Variants in PTCHD4 observed in about 807,000 individuals in gnomAD.
PTCHD4 encodes patched domain containing 4.
In PTCHD4, 33 loss-of-function variants were observed where a neutral mutation model predicts 58.1. That is an observed-to-expected ratio of 0.57 (90% CI 0.43 to 0.76). The LOEUF is 0.76. Ranked by LOEUF, PTCHD4 falls within the 30% of genes least tolerant of loss-of-function variation. The probability of loss-of-function intolerance (pLI) is 0.00; values close to 1 mark genes in which losing one functional copy is unlikely to be tolerated. For synonymous variants in PTCHD4, 478 were observed against 409.6 expected, an observed-to-expected ratio of 1.17 and a Z score of -2.02; for missense variants, 1,058 against 1,027.1, an observed-to-expected ratio of 1.03 and a Z score of -0.41.
chr6:47,986,517 A>C (rs796747823), intron 4 of PTCHD4, among the ~76,000 whole-genome samples: 5 of 152,260 alleles, frequency 3.3e-5, no homozygotes, highest in African/African-American at 1.2e-4. Context: ...TGTCAGGACA[A>C]TATGTTGGTA....
intron 1 of PTCHD4, among the ~76,000 whole-genome samples, chr6:48,101,406 T>C (rs925699888): frequency 1.3e-5 from 2 of 152,178 alleles, no homozygotes; most frequent in Non-Finnish European, 2.9e-5. Context: ...CAGTGAACTA[T>C]ATAAGGACTA....
intron 4 of PTCHD4, among the ~76,000 whole-genome samples, chr6:47,893,903 G>T (rs1764453430): frequency 6.6e-6 from 1 of 152,166 alleles, no homozygotes; most frequent in African/African-American, 2.4e-5. Context: ...TTAGTTAATT[G>T]GATTAAACTA....
rs2113881558 is a variant in PTCHD4, at chr6:48,069,048, A to C, written c.-91T>G. ...GGTGGTTCCGTGTGGAGCGTCCCACAGATGTGGATTTCCTCTCTGTCTTGG... is the reference window on the plus strand; with the variant it reads ...GGTGGTTCCGTGTGGAGCGTCCCACCGATGTGGATTTCCTCTCTGTCTTGG... On this transcript the variant is annotated 5_prime_UTR_variant, in exon 2 of 5. Transcript: ENST00000339488. Among the ~76,000 whole-genome samples, 1 of 140,604 alleles carries C rather than the reference A, an allele frequency of 7.1e-6. No individual in the cohort carries two copies. The highest frequency in any genetic ancestry group is 2.5e-4 in the South Asian group (1 of 4,024). The allele number at this position is 140,604 out of a possible 152,430, so 92.2% of individuals were successfully genotyped here.
At chr6:47,913,327 A>T (rs186682263) in intron 4 of PTCHD4, among the ~76,000 whole-genome samples, 1 of 152,232 alleles carries the variant, frequency 6.6e-6, no homozygotes, top group African/African-American at 2.4e-5. Context: ...ACACCAAGAA[A>T]AAGTCATATT....
rs1270310088 is a variant in PTCHD4 at position 47,875,687 on chromosome 6, T to C, written c.*2616A>G. Among the ~76,000 whole-genome samples, 1 of 151,820 alleles carries C rather than the reference T, an allele frequency of 6.6e-6. No homozygotes were observed. Among genetic ancestry groups the C allele is most frequent in the Non-Finnish European group, 1.5e-5 (1 of 67,894 alleles). ...GAAGACATAAACTAAAAAAGAACTG[T>C]TTTTCCCTATCTAAACAGAGACTAT... On this transcript the variant is annotated 3_prime_UTR_variant, in exon 5 of 5. Coordinates refer to ENST00000339488, the MANE Select transcript of PTCHD4 (RefSeq NM_001384253.1).
chr6:48,080,904 T>C lies in PTCHD4; in HGVS notation c.-969-10978A>G, dbSNP rs527423828. 2.0e-3 allele frequency among the ~76,000 whole-genome samples: 305 copies of C among 152,328 alleles called. 1 individual carries two copies. Among genetic ancestry groups the C allele is most frequent in the African/African-American group, 7.0e-3 (292 of 41,586 alleles). ...ATTAATGGATTGTCTGGGGCTTACC[T>C]TTCTTGTTTTTAGCATTGTATGTTT... is the stretch of plus-strand genomic sequence containing the variant. On this transcript the variant is annotated intron_variant, in intron 1 of 4. Transcript: ENST00000339488.
At chr6:48,102,379 T>A (rs868698218) in intron 1 of PTCHD4, among the ~76,000 whole-genome samples, 1 of 152,342 alleles carries the variant, frequency 6.6e-6, no homozygotes. Context: ...TACCCTGAGA[T>A]GTAATTTCTA....
intron 4 of PTCHD4, among the ~76,000 whole-genome samples, chr6:47,938,325 T>G (rs560139502): frequency 7.9e-5 from 12 of 152,324 alleles, no homozygotes; most frequent in Non-Finnish European, 1.8e-4. Context: ...CTTGTGATTC[T>G]GTATGTCTAA....
chr6:47,955,466 G>C (rs980021998), intron 4 of PTCHD4, among the ~76,000 whole-genome samples: 1 of 152,184 alleles, frequency 6.6e-6, no homozygotes, highest in African/African-American at 2.4e-5. Flanking sequence ...AAACAGCAAG[G>C]ACATTCATAA....
chr6:48,012,507 T>C (rs1299085243), intron 3 of PTCHD4, among the ~76,000 whole-genome samples: 1 of 152,214 alleles, frequency 6.6e-6, no homozygotes, highest in Middle Eastern at 3.2e-3. Context: ...TGTACAATAA[T>C]GCCATCTGCA....
intron 4 of PTCHD4, among the ~76,000 whole-genome samples, chr6:47,888,153 C>T (rs1764252753): frequency 1.3e-5 from 2 of 151,918 alleles, no homozygotes; most frequent in Non-Finnish European, 2.9e-5. Context: ...GTGAGGAGAT[C>T]GAGACCATCC....
At chr6:48,084,740 T>C (rs1373078114) in intron 1 of PTCHD4, among the ~76,000 whole-genome samples, 1 of 150,370 alleles carries the variant, frequency 6.7e-6, no homozygotes, top group Non-Finnish European at 1.5e-5. Flanking sequence ...TCTTTCTTTT[T>C]TTTTTTTTTT....
intron 4 of PTCHD4, among the ~76,000 whole-genome samples, chr6:47,978,951 C>T (rs1581965158): frequency 6.6e-6 from 1 of 151,754 alleles, no homozygotes; most frequent in Non-Finnish European, 1.5e-5. Flanking sequence ...TCTATTCATT[C>T]TTGTTATGAA....
chr6:47,866,339 T>G lies in PTCHD4; in HGVS notation c.*11964A>C, dbSNP rs963864769. Among the ~76,000 whole-genome samples the G allele has an allele frequency of 6.6e-6, 1 of 151,888 alleles. No homozygotes were observed. The highest frequency in any genetic ancestry group is 2.4e-5 in the African/African-American group (1 of 41,420). ...ACTGAGGTTGGGTCTCGCTATAGGATATATTGATTTAAGTAGTCTGGCATG... is the reference window on the plus strand; with the variant it reads ...ACTGAGGTTGGGTCTCGCTATAGGAGATATTGATTTAAGTAGTCTGGCATG... On this transcript the variant is annotated 3_prime_UTR_variant, in exon 5 of 5. Transcript: ENST00000339488.
intron 3 of PTCHD4, among the ~76,000 whole-genome samples, chr6:48,058,744 A>C (rs1459191191): frequency 6.6e-6 from 1 of 152,196 alleles, no homozygotes; most frequent in Non-Finnish European, 1.5e-5. Flanking sequence ...GACCCAGTGC[A>C]CACTGAGACA....
At chr6:48,001,436 T>G (rs1169319035) in intron 4 of PTCHD4, among the ~76,000 whole-genome samples, 4 of 151,868 alleles carry the variant, frequency 2.6e-5, no homozygotes, top group East Asian at 3.9e-4. Flanking sequence ...ACAGAACAGA[T>G]CCCTCAGAAA....
Position 47,860,849 on chromosome 6 carries a change from A to G in PTCHD4, c.*17454T>C, listed in dbSNP as rs934840501. ...CTGGCGATAAAATACTTTCATAAAA[A>G]TTATTTATCCTGAGATAAACTCTTT... is the stretch of plus-strand genomic sequence containing the variant. On this transcript the variant is annotated 3_prime_UTR_variant, in exon 5 of 5. Coordinates refer to ENST00000339488, the MANE Select transcript of PTCHD4 (RefSeq NM_001384253.1). 7.9e-5 allele frequency among the ~76,000 whole-genome samples: 12 copies of G among 152,052 alleles called. No homozygotes were observed. Among genetic ancestry groups the G allele is most frequent in the African/African-American group, 2.9e-4 (12 of 41,438 alleles).
rs1194900212 is a variant in PTCHD4 at position 47,877,180 on chromosome 6, T to C, written c.*1123A>G. 6.6e-6 allele frequency among the ~76,000 whole-genome samples: 1 copy of C among 152,064 alleles called. No homozygotes were observed. The highest frequency in any genetic ancestry group is 1.5e-5 in the Non-Finnish European group (1 of 67,978). ...TATGGTCCATTTTATTCTATTTCACTCTACGAGTTTCCTAGTTATGTCTCC... is the reference window on the plus strand; with the variant it reads ...TATGGTCCATTTTATTCTATTTCACCCTACGAGTTTCCTAGTTATGTCTCC... On this transcript the variant is annotated 3_prime_UTR_variant, in exon 5 of 5. Coordinates refer to ENST00000339488, the MANE Select transcript of PTCHD4 (RefSeq NM_001384253.1).
Position 47,863,568 on chromosome 6 carries a change from T to C in PTCHD4, c.*14735A>G, listed in dbSNP as rs116288158. ...TTCAGAGAAACAAGTATTTTTAGTA[T>C]AGTAGATTCCAAATATTGCATGAAA... On this transcript the variant is annotated 3_prime_UTR_variant, in exon 5 of 5. Transcript: ENST00000339488. Among the ~76,000 whole-genome samples, 353 of 152,102 alleles carry C rather than the reference T, an allele frequency of 2.3e-3. No homozygotes were observed. The highest frequency in any genetic ancestry group is 7.8e-3 in the African/African-American group (322 of 41,540).
Sources: gnomAD v4.1 joint callset for allele counts (sites outside exome capture counted in the v4.1 genomes callset) on GRCh38, gnomAD v4.1.1 for gene constraint, MANE v1.5 for transcripts, NCBI Gene and HGNC (gene_info 2026-07-23, HGNC 2026-07-21) for gene names.